Variants in TACC2 observed in about 807,000 individuals in gnomAD.
TACC2 encodes transforming acidic coiled-coil-containing protein 2.
TACC2 carries 137 observed loss-of-function variants against 227.3 expected under a neutral mutation model. The ratio of observed to expected loss-of-function variants is 0.60; its 90% CI spans 0.52 to 0.69. The LOEUF (loss-of-function observed/expected upper bound fraction) is 0.69. TACC2 is among the 30% of genes least tolerant of loss of function. The pLI is 0.00. For missense variants in TACC2, 3,470 were observed against 3,694.4 expected, an observed-to-expected ratio of 0.94 and a Z score of 1.57; for synonymous variants, 1,523 against 1,487.5, an observed-to-expected ratio of 1.02 and a Z score of -0.55.
At chr10:122,006,451 A>AAAATAAATAAATAAATCAAT (rs1955157688) in intron 1 of TACC2, among the ~76,000 whole-genome samples, 1 of 149,242 alleles carries the variant, frequency 6.7e-6, no homozygotes, top group African/African-American at 2.5e-5. Context: ...TCAGTCTCAA[A>AAAATAAATAAATAAATCAAT]AAATAAATAA....
At chr10:122,193,150 T>G (rs920450569) in intron 7 of TACC2, among the ~76,000 whole-genome samples, 2 of 152,220 alleles carry the variant, frequency 1.3e-5, no homozygotes, top group Non-Finnish European at 2.9e-5. Context: ...TAGACTAGGT[T>G]TGGCTCATTG....
chr10:122,136,543 GTGTATA>G (rs144036327), intron 6 of TACC2, among the ~76,000 whole-genome samples: 69,864 of 142,854 alleles, frequency 0.49, 18,935 homozygotes, highest in Non-Finnish European at 0.64. Flanking sequence ...TTGTGTGTGT[GTGTATA>G]TATATATATA....
chr10:122,246,182 T>A (rs2096114276), intron 19 of TACC2, among the ~76,000 whole-genome samples: 1 of 152,176 alleles, frequency 6.6e-6, no homozygotes, highest in South Asian at 2.1e-4. Flanking sequence ...CCAGACCTCC[T>A]AATCTCACGC....
chr10:122,059,993 C>G (rs1444034326), intron 3 of TACC2, among the ~76,000 whole-genome samples: 1 of 152,078 alleles, frequency 6.6e-6, no homozygotes, highest in African/African-American at 2.4e-5. Context: ...TTGAGAACCA[C>G]TGGATTAGAT....
At chr10:122,157,450 C>G (rs887130514) in intron 7 of TACC2, among the ~76,000 whole-genome samples, 6 of 152,012 alleles carry the variant, frequency 3.9e-5, no homozygotes, top group African/African-American at 1.4e-4. Flanking sequence ...CATACAGTCA[C>G]CTGGTGAAGG....
Position 122,123,163 on chromosome 10 carries a change from C to T in TACC2, c.5574-9446C>T, listed in dbSNP as rs539917697. Among the ~76,000 whole-genome samples the T allele has an allele frequency of 9.2e-5, 14 of 152,232 alleles. No individual in the cohort carries two copies. In the East Asian group the frequency reaches 1.7e-3, roughly 19 times the overall value. ...GACCACAGGTGCACGCCAACACACCCGGCTAATTTTTTTGTATTTTTAGTA... is the reference window on the plus strand; with the variant it reads ...GACCACAGGTGCACGCCAACACACCTGGCTAATTTTTTTGTATTTTTAGTA... On this transcript the variant is annotated intron_variant, in intron 5 of 22. Transcript: ENST00000369005.
chr10:122,114,257 C>T (rs10749443), intron 5 of TACC2, among the ~76,000 whole-genome samples: 113,538 of 151,988 alleles, frequency 0.75, 44,729 homozygotes, highest in East Asian at 0.93. Context: ...CCCATTCTTA[C>T]TTCTCTGATT....
chr10:122,027,857 C>T (rs1337514290), intron 2 of TACC2, among the ~76,000 whole-genome samples: 4 of 151,580 alleles, frequency 2.6e-5, no homozygotes, highest in Admixed American at 6.6e-5. Context: ...CATTCTCCTG[C>T]CTCAGCCTCC....
intron 12 of TACC2, among the ~76,000 whole-genome samples, chr10:122,225,513 A>G (rs2095610169): frequency 6.6e-6 from 1 of 152,222 alleles, no homozygotes; most frequent in South Asian, 2.1e-4. Context: ...AGTAAAGCAC[A>G]TGGGCTTTGT....
chr10:122,111,928 G>C (rs1041131462), intron 5 of TACC2, among the ~76,000 whole-genome samples: 1 of 140,536 alleles, frequency 7.1e-6, no homozygotes, highest in African/African-American at 2.5e-5. Context: ...TGTGAACAAG[G>C]AATCTATTTA....
rs751612350 is a variant in TACC2, at chr10:122,083,657, A to G, written c.1157A>G (p.Asn386Ser). The change falls in exon 4 of 23, where the codon AAT becomes AGT. Residue 386 changes from asparagine to serine, a missense_variant. Transcript: ENST00000369005. ...PQTGMRGTKPNQVVCVAAGGQ... is the reference protein window; with the variant it reads ...PQTGMRGTKPSQVVCVAAGGQ... ...ACAGGGATGCGAGGAACCAAGCCCAATCAAGTTGTCTGTGTGGCAGCAGGC... is the reference window on the plus strand; with the variant it reads ...ACAGGGATGCGAGGAACCAAGCCCAGTCAAGTTGTCTGTGTGGCAGCAGGC... 1.6e-5 allele frequency: 25 copies of G among 1,611,406 alleles called. No individual in the cohort carries two copies. The South Asian group carries it at 2.3e-4, about 15-fold the overall frequency.
rs530992720 is a variant in TACC2, at chr10:122,100,981, C to T, written c.5573+12390C>T. Among the ~76,000 whole-genome samples, 6 of 152,200 alleles carry T rather than the reference C, an allele frequency of 3.9e-5. No homozygotes were observed. In the South Asian group the frequency reaches 8.3e-4, roughly 21 times the overall value. ...CAAACGTTGTTCTGTGAAGCCTTCCCGACCCTTCCACTCCCCAGGAGTACC... is the reference window on the plus strand; with the variant it reads ...CAAACGTTGTTCTGTGAAGCCTTCCTGACCCTTCCACTCCCCAGGAGTACC... On this transcript the variant is annotated intron_variant, in intron 5 of 22. Coordinates refer to ENST00000369005, the MANE Select transcript of TACC2 (RefSeq NM_206862.4).
At chr10:122,249,490 G>A in intron 21 of TACC2, 54 bp from the exon 22 acceptor site, 1 of 1,591,044 alleles carries the variant, frequency 6.3e-7, no homozygotes, top group Non-Finnish European at 8.6e-7. Flanking sequence ...GAAGCAGGAG[G>A]TGTCTCTAGT....
intron 5 of TACC2, among the ~76,000 whole-genome samples, chr10:122,113,954 C>G (rs997882713): frequency 4.6e-5 from 7 of 152,246 alleles, no homozygotes; most frequent in African/African-American, 1.7e-4. Context: ...CACGCTGTGG[C>G]CAGGTGTCCT....
intron 5 of TACC2, among the ~76,000 whole-genome samples, chr10:122,124,015 T>C (rs561976424): frequency 1.4e-3 from 219 of 152,194 alleles, no homozygotes; most frequent in Non-Finnish European, 2.0e-3. Context: ...GGTTTCACCA[T>C]GTTGGCCAGG....
chr10:122,182,089 A>G (rs749810502), intron 7 of TACC2, among the ~76,000 whole-genome samples: 1 of 152,206 alleles, frequency 6.6e-6, no homozygotes, highest in African/African-American at 2.4e-5. Context: ...GTGCCAAATC[A>G]TGATTGAGAC....
chr10:122,236,729 T>C (rs958228968), intron 16 of TACC2, among the ~76,000 whole-genome samples: 1 of 152,218 alleles, frequency 6.6e-6, no homozygotes, highest in Non-Finnish European at 1.5e-5. Context: ...GATATTGTCA[T>C]TGACCCAGTT....
intron 5 of TACC2, among the ~76,000 whole-genome samples, chr10:122,090,238 T>G (rs1196692211): frequency 6.6e-6 from 1 of 151,488 alleles, no homozygotes; most frequent in African/African-American, 2.4e-5. Flanking sequence ...AGAATACTTG[T>G]GAGGTATGGA....
chr10:122,178,545 G>T (rs528447983), intron 7 of TACC2, among the ~76,000 whole-genome samples: 1 of 151,156 alleles, frequency 6.6e-6, no homozygotes, highest in African/African-American at 2.4e-5. Context: ...CCAGTTCTTC[G>T]TTATTTCTGA....
Sources: allele counts gnomAD v4.1 joint callset (sites outside exome capture counted in the v4.1 genomes callset), GRCh38; gene constraint gnomAD v4.1.1; transcripts MANE v1.5; gene names NCBI Gene and HGNC (gene_info 2026-07-23, HGNC 2026-07-21).